Variants in PIP observed in about 807,000 individuals in gnomAD.
PIP encodes prolactin induced protein, also known as prolactin-inducible protein.
In PIP, 9 loss-of-function variants were observed where a neutral mutation model predicts 12.8. That is an observed-to-expected ratio of 0.70 (90% confidence interval 0.42 to 1.23). The LOEUF (loss-of-function observed/expected upper bound fraction) is 1.23, where lower values mean the gene tolerates loss of function less well. Ranked by LOEUF, PIP falls within the 50% of genes most tolerant of loss-of-function variation. The pLI is 0.00. For missense variants in PIP, 172 were observed against 179.5 expected, an observed-to-expected ratio of 0.96 and a Z score of 0.24; for synonymous variants, 60 against 66.1, an observed-to-expected ratio of 0.91 and a Z score of 0.45.
chr7:143,132,350 GCCA>G, intron 1 of PIP, 139 bp downstream of exon 1: 7 of 959,610 alleles, frequency 7.3e-6, no homozygotes, highest in Non-Finnish European at 1.1e-5. Context: ...TGGATCTCCT[GCCA>G]GGTTCCACTT....
chr7:143,138,222 C>T (rs565219603), intron 2 of PIP, among the ~76,000 whole-genome samples: 1 of 152,196 alleles, frequency 6.6e-6, no homozygotes, highest in South Asian at 2.1e-4. Context: ...GTGATAAAAT[C>T]ACACATACTG....
At chr7:143,138,984 TCTC>T (rs1340389105) in intron 2 of PIP, 88 bp from the exon 3 acceptor site, 2 of 746,010 alleles carry the variant, frequency 2.7e-6, no homozygotes, top group African/African-American at 3.4e-5. Context: ...CCCCCACTCT[TCTC>T]CTCCGGCTTT....
At chr7:143,135,141 C>A in intron 1 of PIP, 53 bp from the exon 2 acceptor site, 1 of 946,878 alleles carries the variant, frequency 1.1e-6, no homozygotes, top group Non-Finnish European at 1.7e-6. Context: ...TCCCCCCTCA[C>A]TCAAAGATTG....
chr7:143,132,078 C>A lies in PIP; in HGVS notation c.-39C>A. The stretch of plus-strand genomic sequence containing the variant: ...AGAAATGTGCTGGGCACCTGGGACA[C>A]CACTTCTCTGGGACACATTGCCTTC... On this transcript the variant is annotated 5_prime_UTR_variant, in exon 1 of 4. Coordinates refer to ENST00000291009, the MANE Select transcript of PIP (RefSeq NM_002652.3). 2 of 1,611,434 alleles carry A rather than the reference C, an allele frequency of 1.2e-6. No homozygotes were observed. Among genetic ancestry groups the A allele is most frequent in the Middle Eastern group, 3.3e-4 (2 of 6,050 alleles).
At chr7:143,133,304 A>G (rs1451756686) in intron 1 of PIP, among the ~76,000 whole-genome samples, 3 of 152,016 alleles carry the variant, frequency 2.0e-5, no homozygotes, top group East Asian at 1.9e-4. Context: ...TGGTCATCCT[A>G]TCAATCTGAA....
intron 1 of PIP, 93 bp downstream of exon 1, chr7:143,132,304 T>G: frequency 6.9e-7 from 1 of 1,443,106 alleles, no homozygotes; most frequent in Non-Finnish European, 9.6e-7. Context: ...GAGAATTTCT[T>G]TCAACTTCCC....
chr7:143,137,775 C>T (rs1388145047), intron 2 of PIP, among the ~76,000 whole-genome samples: 1 of 151,936 alleles, frequency 6.6e-6, no homozygotes, highest in East Asian at 1.9e-4. Flanking sequence ...TAGCACGCAC[C>T]TGTAATCCCA....
chr7:143,139,484 T>A (rs1563017327), intron 3 of PIP, 34 bp from the exon 4 acceptor site: 1 of 1,610,208 alleles, frequency 6.2e-7, no homozygotes, highest in Non-Finnish European at 8.5e-7. Flanking sequence ...GGCCGGGGTG[T>A]CTGAGAGATG....
intron 1 of PIP, 47 bp downstream of exon 1, chr7:143,132,258 C>G (rs1384018102): frequency 1.3e-6 from 2 of 1,597,252 alleles, no homozygotes; most frequent in Admixed American, 3.4e-5. Context: ...GCAGGGAGGG[C>G]TCCTCTCCCA....
intron 2 of PIP, among the ~76,000 whole-genome samples, chr7:143,138,499 T>C (rs1426447432): frequency 6.6e-6 from 1 of 152,080 alleles, no homozygotes; most frequent in Non-Finnish European, 1.5e-5. Context: ...TAAAAAGAAA[T>C]TTACATTCAA....
At chr7:143,135,351 T>C in intron 2 of PIP, 52 bp downstream of exon 2, 1 of 794,796 alleles carries the variant, frequency 1.3e-6, no homozygotes, top group Non-Finnish European at 2.2e-6. Flanking sequence ...ACTCCTTGAT[T>C]ATAAACATAA....
chr7:143,135,179 T>A lies in PIP; in HGVS notation c.96-15T>A. 1 of 1,395,952 alleles carries A rather than the reference T, an allele frequency of 7.2e-7. No individual in the cohort carries two copies. Among genetic ancestry groups the A allele is most frequent in the Non-Finnish European group, 1.0e-6 (1 of 983,232 alleles). 86.5% of individuals were successfully genotyped at this position (1,395,952 alleles called of 1,614,324 possible). A position where few individuals can be genotyped will look rare whatever the true frequency, so the allele number is the denominator to read the frequency against. On this transcript the variant is annotated splice_polypyrimidine_tract_variant and intron_variant, in intron 1 of 3. Transcript: ENST00000291009. ...CTCTGATCCTGGTGTTCTGATTCTC[T>A]CTTCCCACAATCAGTCGGAAGATCA...
intron 1 of PIP, among the ~76,000 whole-genome samples, chr7:143,134,067 T>C (rs1450198594): frequency 6.6e-6 from 1 of 150,774 alleles, no homozygotes; most frequent in Non-Finnish European, 1.5e-5. Flanking sequence ...GAACATACGA[T>C]GTTTGGTTTT....
intron 2 of PIP, 68 bp downstream of exon 2, chr7:143,135,367 T>A: frequency 1.4e-6 from 1 of 731,138 alleles, no homozygotes; most frequent in Admixed American, 2.1e-5. Flanking sequence ...CATAATTTAA[T>A]CTCTCACTTT....
chr7:143,138,723 C>T (rs1051988311), intron 2 of PIP, among the ~76,000 whole-genome samples: 6 of 152,110 alleles, frequency 3.9e-5, no homozygotes, highest in South Asian at 2.1e-4. Context: ...TCAGAGTAAA[C>T]GTGATTGCAG....
At chr7:143,139,260 C>A in intron 3 of PIP, 71 bp downstream of exon 3, 1 of 970,170 alleles carries the variant, frequency 1.0e-6, no homozygotes, top group Non-Finnish European at 1.7e-6. Flanking sequence ...TAAACAGAAA[C>A]ATGGCTGCGA....
chr7:143,135,858 T>C (rs1223503592), intron 2 of PIP, among the ~76,000 whole-genome samples: 1 of 152,052 alleles, frequency 6.6e-6, no homozygotes, highest in Non-Finnish European at 1.5e-5. Context: ...TCTCCTCCTT[T>C]TCCCCACGTT....
In PIP at chr7:143,135,272, T is replaced by TC; in HGVS notation, c.175dup (p.Gln59ProfsTer11). 1 of 1,591,546 alleles carries TC rather than the reference T, an allele frequency of 6.3e-7. No homozygotes were observed. The highest frequency in any genetic ancestry group is 8.6e-7 in the Non-Finnish European group (1 of 1,159,448). ...ACGAAGTCACTGCAGTGCTTGCAGT[T>TC]CAAACAGAATTGAAAGAATGCATGG... On this transcript the variant is annotated frameshift_variant, in exon 2 of 4. Coordinates refer to ENST00000291009, the MANE Select transcript of PIP (RefSeq NM_002652.3). LOFTEE classifies it high-confidence loss of function.
At chr7:143,134,233 T>TATATATATAAAA (rs1277832613) in intron 1 of PIP, among the ~76,000 whole-genome samples, 19 of 86,384 alleles carry the variant, frequency 2.2e-4, no homozygotes, top group African/African-American at 8.4e-4. Flanking sequence ...TATATATATA[T>TATATATATAAAA]ACCACAGTTT....
Sources: allele counts gnomAD v4.1 joint callset (sites outside exome capture counted in the v4.1 genomes callset), GRCh38; gene constraint gnomAD v4.1.1; transcripts MANE v1.5; gene names NCBI Gene and HGNC (gene_info 2026-07-23, HGNC 2026-07-21).